The following SUN1 variants were observed in gnomAD, a reference collection of about 807,000 sequenced individuals.
SUN1 encodes the protein SUN domain-containing protein 1.
SUN1 carries 61 observed loss-of-function variants against 103.2 expected under a neutral mutation model. That is an observed-to-expected ratio of 0.59 (90% CI 0.48 to 0.73). SUN1 has a LOEUF of 0.73. SUN1 is among the 30% of genes least tolerant of loss of function. The probability of loss-of-function intolerance (pLI) is 0.00; values close to 1 mark genes in which losing one functional copy is unlikely to be tolerated. For missense variants in SUN1, 1,052 were observed against 1,034.6 expected (o/e 1.02, Z -0.23); for synonymous variants, 490 against 425.7 (o/e 1.15, Z -1.86).
At chr7:833,991 G>T (rs1258951283) in intron 1 of SUN1, among the ~76,000 whole-genome samples, 3 of 152,188 alleles carry the variant, frequency 2.0e-5, no homozygotes, top group African/African-American at 7.2e-5. Flanking sequence ...CCTTCCTTCA[G>T]TGAGACCTGT....
At chr7:828,872 G>A (rs1435600885), upstream of SUN1, among the ~76,000 whole-genome samples, 11 of 152,158 alleles carry the variant, frequency 7.2e-5, no homozygotes, top group South Asian at 2.1e-4. Flanking sequence ...GTGCTGAGCC[G>A]GCCAGCCTGA....
At chr7:859,607 C>T (rs774934565) in intron 13 of SUN1, among the ~76,000 whole-genome samples, 1 of 152,118 alleles carries the variant, frequency 6.6e-6, no homozygotes, top group African/African-American at 2.4e-5. Context: ...ACGGTCGTGT[C>T]CTAGGAGGCT....
intron 3 of SUN1, 22 bp downstream of exon 3, chr7:842,152 A>G: frequency 6.2e-7 from 1 of 1,604,646 alleles, no homozygotes; most frequent in Non-Finnish European, 8.5e-7. Context: ...CGAGACACAG[A>G]TTGTCCCGCC....
intron 11 of SUN1, 54 bp downstream of exon 11, chr7:855,060 C>A: frequency 2.2e-6 from 3 of 1,370,120 alleles, no homozygotes; most frequent in Non-Finnish European, 3.1e-6. Flanking sequence ...TCAACTATGG[C>A]TAATATTTTA....
At position 874,295 on chromosome 7, in the gene SUN1, TTA is replaced by T. The variant is rs1357943582; in HGVS notation, c.*966_*967del. ...ACTGGCTGTGGCTGGAATCTGCCTT[TTA>T]TCACAGCTGTCACCATTCTCACGTG... On this transcript the variant is annotated 3_prime_UTR_variant, in exon 19 of 19. Coordinates refer to ENST00000401592, the MANE Select transcript of SUN1 (RefSeq NM_001130965.3). The T allele has an allele frequency of 1.3e-5, 2 of 152,660 alleles. No individual in the cohort carries two copies. The highest frequency in any genetic ancestry group is 2.9e-5 in the Non-Finnish European group (2 of 68,048). The allele number at this position is 152,660 out of a possible 1,614,324, so 9.5% of individuals were successfully genotyped here.
At chr7:858,646 C>T (rs370295039) in intron 13 of SUN1, among the ~76,000 whole-genome samples, 1 of 152,188 alleles carries the variant, frequency 6.6e-6, no homozygotes, top group East Asian at 1.9e-4. Flanking sequence ...CGAAACATAT[C>T]ATAGACATTG....
intron 1 of SUN1, chr7:817,365 G>T: frequency 3.3e-6 from 5 of 1,515,350 alleles, no homozygotes; most frequent in Non-Finnish European, 4.4e-6. Flanking sequence ...CGCGCGCGTG[G>T]TCTCCGCGCC....
chr7:844,062 C>T lies in SUN1; in HGVS notation c.658+542C>T, dbSNP rs79457609. Among the ~76,000 whole-genome samples the T allele has an allele frequency of 4.3e-3, 659 of 152,334 alleles. 5 individuals carry two copies. Among genetic ancestry groups the T allele is most frequent in the African/African-American group, 0.015 (629 of 41,574 alleles). On this transcript the variant is annotated intron_variant, in intron 5 of 18. Transcript: ENST00000401592. ...AGCAGCAGTCACTGCAGGAAACCCCCTGATGTGGACATGGGCTTCCCTCAG... is the reference window on the plus strand; with the variant it reads ...AGCAGCAGTCACTGCAGGAAACCCCTTGATGTGGACATGGGCTTCCCTCAG...
chr7:872,620 G>A lies in SUN1; in HGVS notation c.2241+58G>A, dbSNP rs756578451. ...CTGAGTCCCACAACTTCTCGTGACA[G>A]CAGGGCCCAGCTGGCATCAACAGAC... On this transcript the variant is annotated intron_variant, in intron 18 of 18. Coordinates refer to ENST00000401592, the MANE Select transcript of SUN1 (RefSeq NM_001130965.3). The A allele has an allele frequency of 6.5e-6, 9 of 1,377,566 alleles. No homozygotes were observed. In the East Asian group the frequency reaches 2.2e-4, roughly 34 times the overall value. The allele number at this position is 1,377,566 out of a possible 1,614,324, so 85.3% of individuals were successfully genotyped here.
At chr7:829,009 C>T (rs575859747), upstream of SUN1, among the ~76,000 whole-genome samples, 35 of 152,360 alleles carry the variant, frequency 2.3e-4, no homozygotes, top group African/African-American at 8.4e-4. Context: ...CACAACTCTC[C>T]CAAAGCCATG....
At chr7:856,053 G>A (rs771650309) in intron 11 of SUN1, among the ~76,000 whole-genome samples, 5 of 152,178 alleles carry the variant, frequency 3.3e-5, no homozygotes, top group Admixed American at 1.3e-4. Context: ...TGTCCTTCAC[G>A]TTTAGAACAC....
intron 14 of SUN1, 26 bp from the exon 15 acceptor site, chr7:861,354 G>C: frequency 6.2e-7 from 1 of 1,613,712 alleles, no homozygotes; most frequent in African/African-American, 1.3e-5. Flanking sequence ...CTGGTGTTTG[G>C]TCTTCCGTCC....
In SUN1 at chr7:874,685, T is replaced by C. The variant is rs1427822394; in HGVS notation, c.*1354T>C. ...TGTTTCATATATTACAGGTTACATA[T>C]ATAAATCAAAATTTCCTATATAAAA... On this transcript the variant is annotated 3_prime_UTR_variant, in exon 19 of 19. Coordinates refer to ENST00000401592, the MANE Select transcript of SUN1 (RefSeq NM_001130965.3). 1 of 152,234 alleles carries C rather than the reference T, an allele frequency of 6.6e-6. No homozygotes were observed. Among genetic ancestry groups the C allele is most frequent in the East Asian group, 1.9e-4 (1 of 5,206 alleles). The allele number at this position is 152,234 out of a possible 1,614,324, so 9.4% of individuals were successfully genotyped here. A position where few individuals can be genotyped will look rare whatever the true frequency, so the allele number is the denominator to read the frequency against.
upstream of SUN1, among the ~76,000 whole-genome samples, chr7:828,243 T>G (rs893656799): frequency 7.6e-6 from 1 of 131,336 alleles, no homozygotes; most frequent in Non-Finnish European, 1.7e-5. Flanking sequence ...TATATGTATG[T>G]TTTTGTTTTT....
chr7:856,448 G>A lies in SUN1; in HGVS notation c.1394+47G>A, dbSNP rs187706936. The stretch of plus-strand genomic sequence containing the variant: ...TCACTTTTGTCTTCGGTGTGTGTGT[G>A]TGGTTATGTGGAGCGGCAGCAGAGT... On this transcript the variant is annotated intron_variant, in intron 12 of 18. Transcript: ENST00000401592. 1,145 of 1,607,072 alleles carry A rather than the reference G, an allele frequency of 7.1e-4. 8 individuals are homozygous for A. The African/African-American group carries it at 0.014, about 20-fold the overall frequency.
In SUN1 at chr7:852,639, C is replaced by T; in HGVS notation, c.882C>T (p.Val294=). ...RCLRNICKFL[V]LLIPLFLLLA... ...TTCGAAACATCTGCAAGTTTTTAGT[C>T]TTGCTCATCCCACTCTTCCTTTTAC... The change falls in exon 8 of 19, where the codon GTC becomes GTT. Residue 294 remains valine (V), a synonymous_variant. Coordinates refer to ENST00000401592, the MANE Select transcript of SUN1 (RefSeq NM_001130965.3). 3 of 1,614,208 alleles carry T rather than the reference C, an allele frequency of 1.9e-6. No homozygotes were observed. Among genetic ancestry groups the T allele is most frequent in the Non-Finnish European group, 2.5e-6 (3 of 1,180,036 alleles).
At chr7:869,862 C>G (rs1008549312) in intron 17 of SUN1, among the ~76,000 whole-genome samples, 2 of 152,096 alleles carry the variant, frequency 1.3e-5, no homozygotes, top group South Asian at 4.1e-4. Context: ...ATCCCAGCCC[C>G]AGAGAAACCC....
chr7:817,584 C>T (rs1781986142), intron 1 of SUN1: 2 of 1,474,754 alleles, frequency 1.4e-6, no homozygotes, highest in Non-Finnish European at 1.8e-6. Flanking sequence ...GGGAAGCTGC[C>T]CATAATTGTG....
chr7:841,244 A>AT (rs370665607), intron 2 of SUN1, among the ~76,000 whole-genome samples: 54,910 of 119,810 alleles, frequency 0.46, 12,893 homozygotes, highest in Middle Eastern at 0.55. Context: ...ATGACCACCT[A>AT]TTTTTTTTTT....
Sources: gnomAD v4.1 joint callset for allele counts (sites outside exome capture counted in the v4.1 genomes callset) on GRCh38, gnomAD v4.1.1 for gene constraint, MANE v1.5 for transcripts, NCBI Gene and HGNC (gene_info 2026-07-23, HGNC 2026-07-21) for gene names.